FKTN: variants seen among roughly 807,000 people sequenced by gnomAD.
FKTN encodes ribitol-5-phosphate transferase FKTN.
A neutral mutation model predicts 58.6 loss-of-function variants in FKTN; 47 were observed. The observed-to-expected ratio is 0.80, with a 90% CI of 0.63 to 1.02. FKTN has a LOEUF of 1.02. FKTN is among the 50% of genes least tolerant of loss of function. The pLI, the probability that FKTN is intolerant of heterozygous loss-of-function variation, is 0.00. For synonymous variants in FKTN, 178 were observed against 191.9 expected, an observed-to-expected ratio of 0.93 and a Z score of 0.60; for missense variants, 516 against 537.3, an observed-to-expected ratio of 0.96 and a Z score of 0.39.
At chr9:105,619,414 C>A (rs951283914) in intron 9 of FKTN, among the ~76,000 whole-genome samples, 1 of 152,084 alleles carries the variant, frequency 6.6e-6, no homozygotes, top group African/African-American at 2.4e-5. Context: ...GGGAAATGTT[C>A]TCAGAATTAT....
intron 7 of FKTN, among the ~76,000 whole-genome samples, chr9:105,613,249 C>T (rs1002837045): frequency 3.3e-5 from 5 of 152,222 alleles, no homozygotes; most frequent in Admixed American, 3.3e-4. Flanking sequence ...CACCTCTTAA[C>T]TCCAGGCTTT....
At chr9:105,611,596 A>G (rs953576733) in intron 7 of FKTN, among the ~76,000 whole-genome samples, 2 of 152,144 alleles carry the variant, frequency 1.3e-5, no homozygotes, top group Non-Finnish European at 2.9e-5. Flanking sequence ...AACATGAAGT[A>G]TTAGGTTTTC....
In FKTN at chr9:105,640,040, G is replaced by A; in HGVS notation, c.*4776G>A. ...AATGCCTGTATCATTGTTAATAAAG[G>A]AGAATTGAAAATACTCATTTCTACT... On this transcript the variant is annotated 3_prime_UTR_variant, in exon 11 of 11. Transcript: ENST00000357998. 2.0e-6 allele frequency: 3 copies of A among 1,532,070 alleles called. No homozygotes were observed. The highest frequency in any genetic ancestry group is 2.6e-6 in the Non-Finnish European group (3 of 1,143,866). 94.9% of individuals were successfully genotyped at this position (1,532,070 alleles called of 1,614,324 possible). A position where few individuals can be genotyped will look rare whatever the true frequency, so the allele number is the denominator to read the frequency against.
At chr9:105,560,539 T>G (rs151214067) in intron 1 of FKTN, among the ~76,000 whole-genome samples, 270 of 152,254 alleles carry the variant, frequency 1.8e-3, no homozygotes, top group Admixed American at 3.0e-3. Flanking sequence ...TGGAACAATA[T>G]AGAAAAGTGT....
At chr9:105,632,622 A>G (rs549838824) in intron 10 of FKTN, among the ~76,000 whole-genome samples, 10 of 152,138 alleles carry the variant, frequency 6.6e-5, no homozygotes, top group African/African-American at 2.4e-4. Flanking sequence ...AACTGATGAA[A>G]TTATCCAACT....
intron 1 of FKTN, among the ~76,000 whole-genome samples, chr9:105,566,232 T>G (rs1339030021): frequency 6.6e-6 from 1 of 151,884 alleles, no homozygotes; most frequent in Non-Finnish European, 1.5e-5. Context: ...ACATCACAAT[T>G]AAAAGAACTA....
intron 3 of FKTN, among the ~76,000 whole-genome samples, chr9:105,580,871 T>C (rs1842751394): frequency 1.8e-5 from 1 of 55,420 alleles, no homozygotes; most frequent in African/African-American, 9.3e-5. Flanking sequence ...CATTTCTTTT[T>C]ATTCTTTTTT....
chr9:105,612,229 G>T (rs946159638), intron 7 of FKTN, among the ~76,000 whole-genome samples: 11 of 151,796 alleles, frequency 7.2e-5, no homozygotes, highest in East Asian at 5.8e-4. Flanking sequence ...GGGTTGTTTG[G>T]TTTTTTCCTT....
At chr9:105,633,423 T>A (rs1397451402) in intron 10 of FKTN, 2 of 152,176 alleles carry the variant, frequency 1.3e-5, no homozygotes, top group African/African-American at 2.4e-5. Flanking sequence ...AGATAGACCA[T>A]GAGTTCTGCC....
At chr9:105,596,718 C>G (rs1826869886) in intron 4 of FKTN, 61 bp downstream of exon 4, 1 of 1,184,240 alleles carries the variant, frequency 8.4e-7, no homozygotes, top group Non-Finnish European at 1.3e-6. Context: ...TTCATTTACT[C>G]CGTAAGTATT....
intron 1 of FKTN, among the ~76,000 whole-genome samples, chr9:105,565,614 A>T (rs1300378069): frequency 5.3e-5 from 8 of 151,930 alleles, no homozygotes; most frequent in Non-Finnish European, 7.4e-5. Context: ...TTAAATATAT[A>T]TGCACCCAAT....
In FKTN at chr9:105,572,616, CA is replaced by C. The variant is rs556458048; in HGVS notation, c.-180-1037del. 5.3e-5 allele frequency among the ~76,000 whole-genome samples: 8 copies of C among 152,228 alleles called. No individual in the cohort carries two copies. In the East Asian group the frequency reaches 1.5e-3, roughly 29 times the overall value. ...ATGGGAATTTCCTTGGATTGTTTGGCAACATGAACTAGCAAGAAAGGAAGAG... is the reference window on the plus strand; with the variant it reads ...ATGGGAATTTCCTTGGATTGTTTGGCACATGAACTAGCAAGAAAGGAAGAG... On this transcript the variant is annotated intron_variant, in intron 1 of 10. Transcript: ENST00000357998.
In FKTN at chr9:105,640,022, G is replaced by A; in HGVS notation, c.*4758G>A. ...TAATTATCTATGCTGATGAATGCCT[G>A]TATCATTGTTAATAAAGGAGAATTG... On this transcript the variant is annotated 3_prime_UTR_variant, in exon 11 of 11. Transcript: ENST00000357998. 2 of 1,528,226 alleles carry A rather than the reference G, an allele frequency of 1.3e-6. No homozygotes were observed. The highest frequency in any genetic ancestry group is 8.8e-7 in the Non-Finnish European group (1 of 1,140,698). 94.7% of individuals were successfully genotyped at this position (1,528,226 alleles called of 1,614,324 possible).
In FKTN at chr9:105,635,888, C is replaced by T; in HGVS notation, c.*624C>T. The T allele has an allele frequency of 1.0e-6, 1 of 989,844 alleles. No homozygotes were observed. Among genetic ancestry groups the T allele is most frequent in the South Asian group, 4.6e-5 (1 of 21,790 alleles). The allele number at this position is 989,844 out of a possible 1,614,324, so 61.3% of individuals were successfully genotyped here. ...AGCTTATTTGTATCAGAGCTTATTA[C>T]TTGTCAGGATAAGTAAATTTCTGTA... is the stretch of plus-strand genomic sequence containing the variant. On this transcript the variant is annotated 3_prime_UTR_variant, in exon 11 of 11. Transcript: ENST00000357998.
At chr9:105,628,425 G>A (rs1485232226) in intron 10 of FKTN, among the ~76,000 whole-genome samples, 2 of 150,490 alleles carry the variant, frequency 1.3e-5, no homozygotes, top group African/African-American at 2.5e-5. Flanking sequence ...TATATAGCAA[G>A]CTTTGTTTAT....
rs1841192058 is a variant in FKTN at position 105,573,737 on chromosome 9, G to C, written c.-98G>C. The C allele has an allele frequency of 6.6e-6, 1 of 151,950 alleles. No individual in the cohort carries two copies. Among genetic ancestry groups the C allele is most frequent in the Non-Finnish European group, 1.5e-5 (1 of 68,016 alleles). The allele number at this position is 151,950 out of a possible 1,614,324, so 9.4% of individuals were successfully genotyped here. A position where few individuals can be genotyped will look rare whatever the true frequency, so the allele number is the denominator to read the frequency against. On this transcript the variant is annotated 5_prime_UTR_variant, in exon 2 of 11. Coordinates refer to ENST00000357998, the MANE Select transcript of FKTN (RefSeq NM_001079802.2). ...TATAACCTAGTTTTTAAAAAAATTG[G>C]ATTTCAAAGGTAAGGAATGCATTCT... is the stretch of plus-strand genomic sequence containing the variant.
chr9:105,601,292 T>C lies in FKTN; in HGVS notation c.313T>C (p.Cys105Arg). Residue 105 changes from cysteine to arginine, a missense_variant, in exon 5 of 11, where the codon TGT becomes CGT. Cys to Arg is a radical substitution (Grantham distance 180). Coordinates refer to ENST00000357998, the MANE Select transcript of FKTN (RefSeq NM_001079802.2). Reference sequence around the variant, plus strand: ...CTCTACTTCACAATGCAAGTTTTTCTGTGTTCCAAGAGACTTTACTGCATT... The same window carrying C: ...CTCTACTTCACAATGCAAGTTTTTCCGTGTTCCAAGAGACTTTACTGCATT... ...HGSTSQCKFFCVPRDFTAFAL... is the reference protein window; with the variant it reads ...HGSTSQCKFFRVPRDFTAFAL... 6.2e-7 allele frequency: 1 copy of C among 1,612,792 alleles called. No homozygotes were observed.
In FKTN at chr9:105,640,421, T is replaced by G. The variant is rs1205686782; in HGVS notation, c.*5157T>G. On this transcript the variant is annotated 3_prime_UTR_variant, in exon 11 of 11. Transcript: ENST00000357998. The stretch of plus-strand genomic sequence containing the variant: ...CAAAAAAATTAGCTGGGCATGGTGG[T>G]GCACGCCTATAGTCCCAGCTACACA... 2 of 261,634 alleles carry G rather than the reference T, an allele frequency of 7.6e-6. No homozygotes were observed. The highest frequency in any genetic ancestry group is 1.5e-4 in the South Asian group (2 of 13,534). 16.2% of individuals were successfully genotyped at this position (261,634 alleles called of 1,614,324 possible).
chr9:105,586,041 C>T (rs1275410653), intron 3 of FKTN, among the ~76,000 whole-genome samples: 1 of 152,112 alleles, frequency 6.6e-6, no homozygotes, highest in Non-Finnish European at 1.5e-5. Flanking sequence ...AGCTTTCAGG[C>T]TTTTCAGGAA....
Sources: allele counts gnomAD v4.1 joint callset (sites outside exome capture counted in the v4.1 genomes callset), GRCh38; gene constraint gnomAD v4.1.1; transcripts MANE v1.5; gene names NCBI Gene and HGNC (gene_info 2026-07-23, HGNC 2026-07-21).